The following ZDHHC14 variants were observed in gnomAD, a reference collection of about 807,000 sequenced individuals.
The protein encoded by ZDHHC14 is zDHHC palmitoyltransferase 14, also known as palmitoyltransferase ZDHHC14.
ZDHHC14 carries 16 observed loss-of-function variants against 47.7 expected under a neutral mutation model. The ratio of observed to expected loss-of-function variants is 0.34; its 90% CI spans 0.23 to 0.51. The LOEUF (loss-of-function observed/expected upper bound fraction) is 0.51, where lower values mean the gene tolerates loss of function less well. Among genes scored for constraint, ZDHHC14 ranks in the 20% least tolerant of loss-of-function variants. ZDHHC14 has a pLI of 0.97. For synonymous variants in ZDHHC14, 293 were observed against 278.9 expected (o/e 1.05, Z -0.50); for missense variants, 515 against 662.5 (o/e 0.78, Z 2.44).
At chr6:157,577,457 C>G (rs1277378384) in intron 2 of ZDHHC14, among the ~76,000 whole-genome samples, 2 of 152,218 alleles carry the variant, frequency 1.3e-5, no homozygotes, top group African/African-American at 4.8e-5. Context: ...TCCACAGTGG[C>G]TGAACTAATT....
chr6:157,443,117 C>G (rs916458509), intron 1 of ZDHHC14, among the ~76,000 whole-genome samples: 64 of 152,118 alleles, frequency 4.2e-4, no homozygotes, highest in Admixed American at 4.0e-3. Context: ...GCAGTTTCCC[C>G]CATGTTGTTC....
intron 8 of ZDHHC14, among the ~76,000 whole-genome samples, chr6:157,663,603 C>T (rs570515724): frequency 6.6e-6 from 1 of 152,338 alleles, no homozygotes; most frequent in East Asian, 1.9e-4. Flanking sequence ...CATTCAGGCA[C>T]CTGGCGAACA....
At chr6:157,471,853 G>T (rs1014169566) in intron 1 of ZDHHC14, among the ~76,000 whole-genome samples, 5 of 152,176 alleles carry the variant, frequency 3.3e-5, no homozygotes, top group African/African-American at 1.2e-4. Flanking sequence ...CCCTCCCTCG[G>T]GGCCCCTTCC....
At chr6:157,484,415 C>CAT (rs1562444014) in intron 1 of ZDHHC14, among the ~76,000 whole-genome samples, 1 of 142,286 alleles carries the variant, frequency 7.0e-6, no homozygotes, top group East Asian at 2.0e-4. Context: ...TATGTATACA[C>CAT]ATATACATAT....
intron 3 of ZDHHC14, among the ~76,000 whole-genome samples, chr6:157,595,720 ATG>A (rs1204654624): frequency 6.6e-6 from 1 of 152,116 alleles, no homozygotes; most frequent in African/African-American, 2.4e-5. Context: ...GTACTTCTGC[ATG>A]TGTGAGTGTT....
chr6:157,644,940 G>A (rs1777447588), intron 5 of ZDHHC14, among the ~76,000 whole-genome samples: 1 of 152,132 alleles, frequency 6.6e-6, no homozygotes, highest in African/African-American at 2.4e-5. Flanking sequence ...ATCTGCTGAA[G>A]AGCACCAAGC....
At chr6:157,390,005 G>A (rs548544115) in intron 1 of ZDHHC14, among the ~76,000 whole-genome samples, 187 of 151,750 alleles carry the variant, frequency 1.2e-3, no homozygotes, top group African/African-American at 4.2e-3. Flanking sequence ...TGTATTTACC[G>A]TTTCTGGTAC....
intron 1 of ZDHHC14, among the ~76,000 whole-genome samples, chr6:157,518,520 C>G (rs1422594748): frequency 6.6e-6 from 1 of 152,146 alleles, no homozygotes; most frequent in Non-Finnish European, 1.5e-5. Flanking sequence ...CTGTAGAAGA[C>G]CAGGGAGTGA....
intron 1 of ZDHHC14, among the ~76,000 whole-genome samples, chr6:157,400,442 C>G (rs192134806): frequency 1.5e-4 from 23 of 152,272 alleles, no homozygotes; most frequent in African/African-American, 5.5e-4. Flanking sequence ...CATCCAGCAG[C>G]ACATCATGGA....
chr6:157,556,715 C>CT (rs1373860175), intron 2 of ZDHHC14, among the ~76,000 whole-genome samples: 2 of 151,924 alleles, frequency 1.3e-5, no homozygotes, highest in African/African-American at 4.8e-5. Context: ...GAGCCGAGGC[C>CT]CCGGGGCTGG....
chr6:157,416,972 GTTTTTTTT>G (rs71027335), intron 1 of ZDHHC14, among the ~76,000 whole-genome samples: 60 of 45,558 alleles, frequency 1.3e-3, no homozygotes, highest in Non-Finnish European at 1.5e-3. Context: ...TGCCTGGCTA[GTTTTTTTT>G]TTTTTTTTTT....
At chr6:157,488,445 G>A (rs570463328) in intron 1 of ZDHHC14, among the ~76,000 whole-genome samples, 1 of 152,278 alleles carries the variant, frequency 6.6e-6, no homozygotes, top group East Asian at 1.9e-4. Context: ...CTAGGAGAGG[G>A]TGTGTCTGTT....
chr6:157,602,520 C>T (rs886927028), intron 3 of ZDHHC14, among the ~76,000 whole-genome samples: 4 of 150,150 alleles, frequency 2.7e-5, no homozygotes, highest in African/African-American at 9.8e-5. Flanking sequence ...GCATTCAGTG[C>T]CACCGGGAGC....
At chr6:157,461,776 C>T (rs568258074) in intron 1 of ZDHHC14, among the ~76,000 whole-genome samples, 122 of 152,250 alleles carry the variant, frequency 8.0e-4, no homozygotes, top group African/African-American at 2.6e-3. Context: ...CTGTGGGGGA[C>T]GCCAGTTCCT....
At chr6:157,593,270 A>T (rs891489658) in intron 3 of ZDHHC14, 124 bp downstream of exon 3, 2 of 1,229,284 alleles carry the variant, frequency 1.6e-6, no homozygotes, top group Non-Finnish European at 2.2e-6. Context: ...GCATGTTGCC[A>T]CTGATTGAGT....
chr6:157,647,749 C>T (rs12055371), intron 7 of ZDHHC14, among the ~76,000 whole-genome samples: 33,388 of 152,082 alleles, frequency 0.22, 4,613 homozygotes, highest in East Asian at 0.57. Context: ...CTGAGGAAAC[C>T]AGTTTCGAAA....
intron 1 of ZDHHC14, among the ~76,000 whole-genome samples, chr6:157,382,842 T>A (rs1377339074): frequency 2.0e-5 from 3 of 152,242 alleles, no homozygotes. Context: ...TCCAGCCTCC[T>A]ACATGCTCAC....
At chr6:157,423,550 G>A (rs1025675624) in intron 1 of ZDHHC14, among the ~76,000 whole-genome samples, 6 of 152,066 alleles carry the variant, frequency 3.9e-5, no homozygotes, top group Non-Finnish European at 2.9e-5. Context: ...TAAGCATTGC[G>A]GGATTTTCCA....
chr6:157,573,496 T>A (rs1783177673), intron 2 of ZDHHC14, among the ~76,000 whole-genome samples: 1 of 152,186 alleles, frequency 6.6e-6, no homozygotes. Context: ...ACCATCTCTA[T>A]GCGGGACATG....
Sources: gnomAD v4.1 joint callset for allele counts (sites outside exome capture counted in the v4.1 genomes callset) on GRCh38, gnomAD v4.1.1 for gene constraint, MANE v1.5 for transcripts, NCBI Gene and HGNC (gene_info 2026-07-23, HGNC 2026-07-21) for gene names.